CXADR: variants seen among roughly 807,000 people sequenced by gnomAD.
CXADR encodes CXADR cell adhesion molecule, also known as coxsackievirus and adenovirus receptor.
CXADR carries 20 observed loss-of-function variants against 40.3 expected under a neutral mutation model. The ratio of observed to expected loss-of-function variants is 0.50; its 90% CI spans 0.35 to 0.72. The LOEUF is 0.72. Among genes scored for constraint, CXADR ranks in the 30% least tolerant of loss-of-function variants. CXADR has a pLI of 0.01. For missense variants in CXADR, 332 were observed against 449.1 expected (o/e 0.74, Z 2.36); for synonymous variants, 150 against 161.3 (o/e 0.93, Z 0.53).
intron 1 of CXADR, among the ~76,000 whole-genome samples, chr21:17,517,143 G>C (rs938926699): frequency 1.3e-5 from 2 of 152,164 alleles, no homozygotes; most frequent in Non-Finnish European, 2.9e-5. Flanking sequence ...TTAGTTTGAT[G>C]ATGGGCCAGG....
intron 2 of CXADR, among the ~76,000 whole-genome samples, chr21:17,548,451 C>G (rs1248479015): frequency 6.6e-6 from 1 of 152,174 alleles, no homozygotes; most frequent in South Asian, 2.1e-4. Context: ...TACTCAGCCT[C>G]GTTGCCCTGT....
chr21:17,582,572 G>T (rs1569156769), intron 7 of CXADR, among the ~76,000 whole-genome samples: 1 of 152,176 alleles, frequency 6.6e-6, no homozygotes, highest in Non-Finnish European at 1.5e-5. Context: ...GCAGATGTCA[G>T]AGTTCTGAAA....
rs201709829 is a variant in CXADR at position 17,513,150 on chromosome 21, C to T, written c.21C>T (p.Phe7=). ...CCACCATGGCGCTCCTGCTGTGCTT[C>T]GTGCTCCTGTGCGGAGTAGTGGGTG... MALLLC[F]VLLCGVVDFA... is the part of the protein sequence containing the mutation. Residue 7 remains phenylalanine, a synonymous_variant, in exon 1 of 7, where the codon TTC becomes TTT. Coordinates refer to ENST00000284878, the MANE Select transcript of CXADR (RefSeq NM_001338.5). 1.8e-3 allele frequency: 2,452 copies of T among 1,375,278 alleles called. 1 individual carries two copies. Among genetic ancestry groups the T allele is most frequent in the Non-Finnish European group, 2.1e-3 (2,262 of 1,061,512 alleles). The allele number at this position is 1,375,278 out of a possible 1,614,324, so 85.2% of individuals were successfully genotyped here. A position where few individuals can be genotyped will look rare whatever the true frequency, so the allele number is the denominator to read the frequency against.
downstream of CXADR, among the ~76,000 whole-genome samples, chr21:17,595,157 A>G (rs192102241): frequency 2.1e-3 from 314 of 152,180 alleles, no homozygotes; most frequent in African/African-American, 7.0e-3. Flanking sequence ...ATAGTTTTAG[A>G]TTATCCCATA....
intron 1 of CXADR, among the ~76,000 whole-genome samples, chr21:17,533,066 T>C (rs187503317): frequency 6.6e-6 from 1 of 152,164 alleles, no homozygotes; most frequent in Non-Finnish European, 1.5e-5. Flanking sequence ...AGGGAAGGCT[T>C]CTTGTTGGTT....
downstream of CXADR, among the ~76,000 whole-genome samples, chr21:17,574,434 G>A (rs1569149281): frequency 6.6e-6 from 1 of 152,158 alleles, no homozygotes; most frequent in Non-Finnish European, 1.5e-5. Context: ...TGGGTGAGTG[G>A]ATATTAGGTT....
intron 1 of CXADR, among the ~76,000 whole-genome samples, chr21:17,537,939 G>A (rs1292894374): frequency 6.6e-6 from 1 of 152,114 alleles, no homozygotes; most frequent in Non-Finnish European, 1.5e-5. Context: ...ATGTTCTGGA[G>A]GAAGGGGCTG....
intron 7 of CXADR, among the ~76,000 whole-genome samples, chr21:17,590,529 C>T (rs2061427648): frequency 6.6e-6 from 1 of 151,986 alleles, no homozygotes; most frequent in African/African-American, 2.4e-5. Flanking sequence ...TTGCATGAGC[C>T]TTCCCTTGTG....
At chr21:17,607,918 T>C in the CXADR span, among the ~76,000 whole-genome samples, 1 of 152,226 alleles carries the variant, frequency 6.6e-6, no homozygotes, top group Non-Finnish European at 1.5e-5. Flanking sequence ...GAGTCTGCTC[T>C]TCTTTACTTT....
chr21:17,529,089 A>G (rs1191653832), intron 1 of CXADR, among the ~76,000 whole-genome samples: 2 of 133,176 alleles, frequency 1.5e-5, no homozygotes, highest in East Asian at 4.4e-4. Context: ...CCTAGGCTGG[A>G]GTGCAGTGGC....
At chr21:17,546,965 G>A (rs571230869) in intron 1 of CXADR, 62 bp from the exon 2 acceptor site, 1 of 1,581,346 alleles carries the variant, frequency 6.3e-7, no homozygotes, top group African/African-American at 1.3e-5. Context: ...ATGGCTGCGG[G>A]GCACTGTGTG....
intron 3 of CXADR, among the ~76,000 whole-genome samples, chr21:17,558,414 C>T (rs2061064164): frequency 6.6e-6 from 1 of 152,108 alleles, no homozygotes; most frequent in East Asian, 1.9e-4. Context: ...TTACACTATG[C>T]CCAGCCCAGG....
In CXADR at chr21:17,568,161, G is replaced by C. The variant is rs2737872; in HGVS notation, c.*2469G>C. 0.33 allele frequency: 316,690 copies of C among 950,622 alleles called. 54,756 individuals are homozygous for C. Among genetic ancestry groups the C allele is most frequent in the African/African-American group, 0.48 (25,066 of 52,426 alleles). 58.9% of individuals were successfully genotyped at this position (950,622 alleles called of 1,614,324 possible). ...TTTTTTTTTTTAAGACGGAGTCTCGGTCTGTCACCCAGGCTGGAGTGCAGT... is the reference window on the plus strand; with the variant it reads ...TTTTTTTTTTTAAGACGGAGTCTCGCTCTGTCACCCAGGCTGGAGTGCAGT... On this transcript the variant is annotated 3_prime_UTR_variant, in exon 7 of 7. Transcript: ENST00000284878.
At chr21:17,629,151 G>A in the CXADR span, among the ~76,000 whole-genome samples, 2 of 152,070 alleles carry the variant, frequency 1.3e-5, no homozygotes, top group East Asian at 3.9e-4. Context: ...AGGCCGAGGT[G>A]GGCCGATCAC....
At chr21:17,516,262 G>C (rs377163521) in intron 1 of CXADR, among the ~76,000 whole-genome samples, 2 of 152,120 alleles carry the variant, frequency 1.3e-5, no homozygotes, top group South Asian at 2.1e-4. Flanking sequence ...ATTTGCTCTT[G>C]AATCTGTGTT....
Position 17,547,131 on chromosome 21 carries a change from C to G in CXADR, c.148C>G (p.Gln50Glu). ...CAAATTTACGCTTAGTCCCGAAGAC[C>G]AGGGACCGCTGGACATCGAGTGGCT... ...PCKFTLSPEDQGPLDIEWLIS... is the reference protein window; with the variant it reads ...PCKFTLSPEDEGPLDIEWLIS... The change falls in exon 2 of 7, where the codon CAG becomes GAG. Residue 50 changes from glutamine (Q) to glutamate (E), a missense_variant. Gln to Glu is a conservative substitution (Grantham distance 29, BLOSUM62 2). This residue lies in a region of CXADR where 162 missense variants were observed against 198.5 expected (regional missense o/e 0.82). Coordinates refer to ENST00000284878, the MANE Select transcript of CXADR (RefSeq NM_001338.5). The G allele has an allele frequency of 1.2e-6, 2 of 1,614,134 alleles. No individual in the cohort carries two copies. The highest frequency in any genetic ancestry group is 1.1e-5 in the South Asian group (1 of 91,080).
chr21:17,634,229 G>A, the CXADR span, among the ~76,000 whole-genome samples: 7 of 152,280 alleles, frequency 4.6e-5, no homozygotes, highest in Non-Finnish European at 7.4e-5. Flanking sequence ...TAAATTCTAC[G>A]TAAATAGTGA....
chr21:17,573,191 A>AT (rs77380409), downstream of CXADR, among the ~76,000 whole-genome samples: 2,151 of 152,018 alleles, frequency 0.014, 117 homozygotes, highest in East Asian at 0.21. Context: ...GTACATTTCC[A>AT]TTTTTTTAAG....
At chr21:17,547,300 GC>G in intron 2 of CXADR, 107 bp downstream of exon 2, 5 of 1,484,646 alleles carry the variant, frequency 3.4e-6, no homozygotes, top group Admixed American at 4.1e-5. Context: ...TAGGAAGGAA[GC>G]CCCCCAACTT....
Sources: gnomAD v4.1 joint callset for allele counts (sites outside exome capture counted in the v4.1 genomes callset) on GRCh38, gnomAD v4.1.1 for gene constraint, gnomAD v4.1.1 regional missense constraint, MANE v1.5 for transcripts, NCBI Gene and HGNC (gene_info 2026-07-23, HGNC 2026-07-21) for gene names.